Variants in MYO16 observed in about 807,000 individuals in gnomAD.
MYO16 encodes unconventional myosin-XVI.
A neutral mutation model predicts 205.3 loss-of-function variants in MYO16; 94 were observed. The ratio of observed to expected loss-of-function variants is 0.46; its 90% CI spans 0.39 to 0.54. The LOEUF is 0.54. MYO16 is among the 20% of genes least tolerant of loss of function. The probability of loss-of-function intolerance (pLI) is 0.00; values close to 1 mark genes in which losing one functional copy is unlikely to be tolerated. For missense variants in MYO16, 2,315 were observed against 2,387.5 expected (o/e 0.97, Z 0.63); for synonymous variants, 988 against 954.0 (o/e 1.04, Z -0.66).
At chr13:109,025,608 C>G (rs966150829) in intron 23 of MYO16, among the ~76,000 whole-genome samples, 1 of 152,088 alleles carries the variant, frequency 6.6e-6, no homozygotes, top group Non-Finnish European at 1.5e-5. Context: ...AGGGGCTTCT[C>G]TTAAAAGTCT....
chr13:108,960,427 C>T lies in MYO16; in HGVS notation c.2038-1112C>T, dbSNP rs1489492106. Reference sequence around the variant, plus strand: ...ACCAAAAACATTTTTATATGTATATCACTTTCATAAAATATTATTATACCT... The same window carrying T: ...ACCAAAAACATTTTTATATGTATATTACTTTCATAAAATATTATTATACCT... On this transcript the variant is annotated intron_variant, in intron 17 of 34. Coordinates refer to ENST00000457511, the MANE Select transcript of MYO16 (RefSeq NM_001198950.3). Among the ~76,000 whole-genome samples, 5 of 152,082 alleles carry T rather than the reference C, an allele frequency of 3.3e-5. No individual in the cohort carries two copies. In the East Asian group the frequency reaches 9.6e-4, roughly 29 times the overall value.
rs1402286480 is a variant in MYO16 at position 108,712,728 on chromosome 13, T to G, written c.360T>G (p.His120Gln). The G allele has an allele frequency of 6.2e-7, 1 of 1,612,740 alleles. No homozygotes were observed. The highest frequency in any genetic ancestry group is 8.5e-7 in the Non-Finnish European group (1 of 1,179,510). ...TLVSSGGSLL[H>Q]LCARYDNAFI... ...TCTCCTCGGGAGGGTCCCTGCTCCA[T>G]CTGGTAAGAACCGCGACAGTCAGTG... The change falls in exon 3 of 35, where the codon CAT becomes CAG. Residue 120 changes from histidine to glutamine, a missense_variant. Around this residue, in one of 3 missense-constraint regions of MYO16, gnomAD observed 1,213 missense variants for 1,274.4 expected, o/e 0.95. Coordinates refer to ENST00000457511, the MANE Select transcript of MYO16 (RefSeq NM_001198950.3).
At chr13:108,686,525 G>A (rs1473962430) in intron 2 of MYO16, among the ~76,000 whole-genome samples, 2 of 152,190 alleles carry the variant, frequency 1.3e-5, no homozygotes, top group African/African-American at 4.8e-5. Context: ...CCAGAACAGG[G>A]TCAGGGTCCC....
chr13:108,643,523 T>G (rs1880602863), intron 1 of MYO16, among the ~76,000 whole-genome samples: 1 of 152,198 alleles, frequency 6.6e-6, no homozygotes, highest in African/African-American at 2.4e-5. Context: ...TGTTCAAGAG[T>G]GCAATTGCTG....
intron 27 of MYO16, among the ~76,000 whole-genome samples, chr13:109,078,272 CAAAAAA>C (rs3042877): frequency 7.3e-6 from 1 of 136,518 alleles, no homozygotes. Context: ...ACTAAAAATA[CAAAAAA>C]AAAAAAAAAA....
chr13:108,578,057 A>T, the MYO16 span, among the ~76,000 whole-genome samples: 2 of 152,194 alleles, frequency 1.3e-5, no homozygotes, highest in Admixed American at 1.3e-4. Context: ...CTGGAAAATG[A>T]AGTTTTCAGG....
chr13:108,928,925 G>T (rs1361206614), intron 16 of MYO16, among the ~76,000 whole-genome samples: 2 of 152,120 alleles, frequency 1.3e-5, no homozygotes, highest in African/African-American at 2.4e-5. Context: ...ATCAGAAATT[G>T]TACAGGGCAT....
intron 1 of MYO16, among the ~76,000 whole-genome samples, chr13:108,643,071 A>T (rs1880581693): frequency 6.6e-6 from 1 of 152,182 alleles, no homozygotes; most frequent in Non-Finnish European, 1.5e-5. Flanking sequence ...TTGACAAATG[A>T]GGGACCCACC....
chr13:108,549,417 AT>A, the MYO16 span, among the ~76,000 whole-genome samples: 84,249 of 149,738 alleles, frequency 0.56, 25,211 homozygotes, highest in East Asian at 0.74. Flanking sequence ...CCGTTTCTGT[AT>A]TTTTTTTTTT....
chr13:108,884,336 C>T (rs1410546408), intron 13 of MYO16, among the ~76,000 whole-genome samples: 2 of 152,226 alleles, frequency 1.3e-5, no homozygotes, highest in African/African-American at 2.4e-5. Flanking sequence ...AGCATGCTAG[C>T]GGTTGTTTTC....
At chr13:108,763,427 G>T (rs1885674629) in intron 4 of MYO16, among the ~76,000 whole-genome samples, 1 of 152,204 alleles carries the variant, frequency 6.6e-6, no homozygotes, top group African/African-American at 2.4e-5. Context: ...GGGGAAATCT[G>T]CAGGTTCCGT....
intron 28 of MYO16, among the ~76,000 whole-genome samples, chr13:109,109,331 G>A (rs537545400): frequency 6.6e-6 from 1 of 152,296 alleles, no homozygotes; most frequent in African/African-American, 2.4e-5. Context: ...ACAAGGAGAA[G>A]GTGTGTTTAG....
intron 21 of MYO16, among the ~76,000 whole-genome samples, chr13:109,001,731 T>A (rs1255948437): frequency 6.6e-6 from 1 of 152,114 alleles, no homozygotes; most frequent in Admixed American, 6.5e-5. Context: ...AGTTGAAGTT[T>A]ATAGTATGCT....
At chr13:108,762,821 G>A (rs1885653271) in intron 4 of MYO16, among the ~76,000 whole-genome samples, 1 of 152,190 alleles carries the variant, frequency 6.6e-6, no homozygotes, top group African/African-American at 2.4e-5. Flanking sequence ...TAGGTTTGGA[G>A]AAGAGCCTAC....
intron 34 of MYO16, among the ~76,000 whole-genome samples, chr13:109,184,466 A>G (rs551895007): frequency 6.6e-6 from 1 of 152,330 alleles, no homozygotes; most frequent in South Asian, 2.1e-4. Context: ...ATTGCACTGT[A>G]TTTATTAATG....
intron 4 of MYO16, among the ~76,000 whole-genome samples, chr13:108,753,383 A>AAAAAAAAAAAAAAAAAC (rs1885314493): frequency 6.8e-6 from 1 of 147,726 alleles, no homozygotes; most frequent in African/African-American, 2.7e-5. Flanking sequence ...AAAAAAAAAA[A>AAAAAAAAAAAAAAAAAC]AAAAAAAAAA....
chr13:108,992,252 A>G (rs1884860615), intron 20 of MYO16, 124 bp from the exon 21 acceptor site: 1 of 550,734 alleles, frequency 1.8e-6, no homozygotes, highest in Non-Finnish European at 3.1e-6. Flanking sequence ...ATTATTTCAC[A>G]TTTTTAGTCC....
the MYO16 span, among the ~76,000 whole-genome samples, chr13:108,588,106 G>T: frequency 1.3e-5 from 2 of 152,004 alleles, no homozygotes; most frequent in Admixed American, 1.3e-4. Context: ...TTTTTTCCGA[G>T]CTTTTTATTA....
At chr13:108,510,580 G>A in the MYO16 span, among the ~76,000 whole-genome samples, 3 of 82,446 alleles carry the variant, frequency 3.6e-5, no homozygotes, top group Non-Finnish European at 6.9e-5. Flanking sequence ...CCACTAACGT[G>A]TCATCTAGCA....
Sources: allele counts gnomAD v4.1 joint callset (sites outside exome capture counted in the v4.1 genomes callset), GRCh38; gene constraint gnomAD v4.1.1; regional missense constraint gnomAD v4.1.1; transcripts MANE v1.5; gene names NCBI Gene and HGNC (gene_info 2026-07-23, HGNC 2026-07-21).